Variants in BBS9 observed in about 807,000 individuals in gnomAD.
BBS9 encodes protein PTHB1.
In BBS9, 89 loss-of-function variants were observed where a neutral mutation model predicts 117.7. That is an observed-to-expected ratio of 0.76 (90% CI 0.64 to 0.90). BBS9 has a LOEUF of 0.90. BBS9 is among the 40% of genes least tolerant of loss of function. BBS9 has a pLI of 0.00. For missense variants in BBS9, 982 were observed against 1,042.2 expected, an observed-to-expected ratio of 0.94 and a Z score of 0.80; for synonymous variants, 379 against 370.9, an observed-to-expected ratio of 1.02 and a Z score of -0.25.
rs1818153359 is a variant in BBS9 at position 33,349,150 on chromosome 7, A to C, written c.1412A>C (p.Gln471Pro). The change falls in exon 13 of 23, where the codon CAG becomes CCG. Residue 471 changes from glutamine (Q) to proline (P), a missense_variant. Coordinates refer to ENST00000242067, the MANE Select transcript of BBS9 (RefSeq NM_198428.3). ...VQPPLELTCD[Q>P]FTFEFMTPDL... is the part of the protein sequence containing the mutation. ...CCACCATTAGAATTGACTTGTGATCAGTTCACCTTTGAATTTATGAGTAAG... is the reference window on the plus strand; with the variant it reads ...CCACCATTAGAATTGACTTGTGATCCGTTCACCTTTGAATTTATGAGTAAG... 1 of 1,612,906 alleles carries C rather than the reference A, an allele frequency of 6.2e-7. No individual in the cohort carries two copies. Among genetic ancestry groups the C allele is most frequent in the African/African-American group, 1.3e-5 (1 of 75,010 alleles).
chr7:33,433,118 G>T (rs1433390250), intron 19 of BBS9, among the ~76,000 whole-genome samples: 1 of 152,030 alleles, frequency 6.6e-6, no homozygotes, highest in Non-Finnish European at 1.5e-5. Context: ...GGTAATGTGG[G>T]CTATAATTAA....
At chr7:33,410,193 TG>T (rs1261131960) in intron 19 of BBS9, among the ~76,000 whole-genome samples, 4 of 152,170 alleles carry the variant, frequency 2.6e-5, no homozygotes, top group Non-Finnish European at 5.9e-5. Context: ...GAAAAATGTG[TG>T]TTAAAGAAGA....
At chr7:33,546,892 T>A (rs1162402639) in intron 21 of BBS9, among the ~76,000 whole-genome samples, 2 of 152,200 alleles carry the variant, frequency 1.3e-5, no homozygotes, top group Non-Finnish European at 2.9e-5. Context: ...ATACATTGAT[T>A]CCATGCCTCA....
At chr7:33,448,874 C>T (rs147072445) in intron 19 of BBS9, among the ~76,000 whole-genome samples, 1 of 152,318 alleles carries the variant, frequency 6.6e-6, no homozygotes, top group African/African-American at 2.4e-5. Flanking sequence ...ATTTAGTGAG[C>T]ACTTAATTTG....
intron 19 of BBS9, among the ~76,000 whole-genome samples, chr7:33,419,855 T>A (rs2128851731): frequency 6.6e-6 from 1 of 152,268 alleles, no homozygotes; most frequent in South Asian, 2.1e-4. Context: ...TGAATTTTTT[T>A]TAGCCTAGAG....
At chr7:33,345,794 C>T (rs1040092592) in intron 12 of BBS9, among the ~76,000 whole-genome samples, 6 of 152,270 alleles carry the variant, frequency 3.9e-5, no homozygotes, top group Non-Finnish European at 5.9e-5. Context: ...CTACTGATAA[C>T]GTTCAGACAC....
intron 21 of BBS9, among the ~76,000 whole-genome samples, chr7:33,620,363 T>G (rs1049598882): frequency 2.0e-5 from 3 of 152,004 alleles, no homozygotes; most frequent in African/African-American, 7.2e-5. Flanking sequence ...AAATAAACCC[T>G]TAAGACTCCT....
chr7:33,498,035 T>A (rs767979579), intron 19 of BBS9, among the ~76,000 whole-genome samples: 2 of 152,126 alleles, frequency 1.3e-5, no homozygotes, highest in Non-Finnish European at 2.9e-5. Context: ...ACAGCAGGGA[T>A]GTTCACTAGC....
In BBS9 at chr7:33,204,895, C is replaced by T. The variant is rs568369878; in HGVS notation, c.442+27304C>T. 2.2e-4 allele frequency among the ~76,000 whole-genome samples: 33 copies of T among 152,292 alleles called. 1 individual carries two copies. In the South Asian group the frequency reaches 6.2e-3, roughly 29 times the overall value. On this transcript the variant is annotated intron_variant, in intron 5 of 22. Transcript: ENST00000242067. ...CTCTCTCCACTACTCATTTCATGTT[C>T]CTCTTAGTTTTTCCAGTACTTTGGT...
At chr7:33,344,532 T>C (rs1817241184) in intron 11 of BBS9, 49 bp from the exon 12 acceptor site, 1 of 1,530,730 alleles carries the variant, frequency 6.5e-7, no homozygotes, top group Non-Finnish European at 9.1e-7. Context: ...CTCACTGCTG[T>C]GTAATATTGA....
At chr7:33,410,302 G>A (rs186171849) in intron 19 of BBS9, among the ~76,000 whole-genome samples, 208 of 152,284 alleles carry the variant, frequency 1.4e-3, no homozygotes, top group African/African-American at 4.6e-3. Context: ...CTGCACCCAT[G>A]AGTCCCTTGC....
intron 5 of BBS9, among the ~76,000 whole-genome samples, chr7:33,237,228 T>C (rs571447239): frequency 2.0e-4 from 30 of 152,326 alleles, no homozygotes; most frequent in Admixed American, 3.3e-4. Context: ...GGTTCTGTTT[T>C]ATGTTGTTTT....
At position 33,193,165 on chromosome 7, in the gene BBS9, C is replaced by A. The variant is rs544641833; in HGVS notation, c.442+15574C>A. ...ATTTTTCACTTGTTAACAAACTGCC[C>A]CTCAATTATAATGTGGTATCTCCTA... is the stretch of plus-strand genomic sequence containing the variant. On this transcript the variant is annotated intron_variant, in intron 5 of 22. Coordinates refer to ENST00000242067, the MANE Select transcript of BBS9 (RefSeq NM_198428.3). Among the ~76,000 whole-genome samples, 8 of 152,152 alleles carry A rather than the reference C, an allele frequency of 5.3e-5. No individual in the cohort carries two copies. The South Asian group carries it at 1.5e-3, about 28-fold the overall frequency.
At chr7:33,371,644 AACAGGAGGG>A (rs1306017068) in intron 17 of BBS9, among the ~76,000 whole-genome samples, 3 of 152,100 alleles carry the variant, frequency 2.0e-5, no homozygotes, top group African/African-American at 7.2e-5. Flanking sequence ...ACTTCTCTGT[AACAGGAGGG>A]ATCGTATGTA....
intron 3 of BBS9, among the ~76,000 whole-genome samples, chr7:33,153,636 A>G (rs1793679405): frequency 6.6e-6 from 1 of 152,162 alleles, no homozygotes; most frequent in Non-Finnish European, 1.5e-5. Flanking sequence ...TATTGGCCCC[A>G]GGGGCCATTT....
chr7:33,575,832 A>G (rs1202669724), intron 21 of BBS9, among the ~76,000 whole-genome samples: 2 of 152,096 alleles, frequency 1.3e-5, no homozygotes, highest in African/African-American at 4.8e-5. Flanking sequence ...AGATGTAGAA[A>G]AGGCCTTAGA....
intron 6 of BBS9, among the ~76,000 whole-genome samples, chr7:33,261,855 C>T (rs750586367): frequency 7.9e-5 from 12 of 152,184 alleles, no homozygotes; most frequent in African/African-American, 4.8e-5. Flanking sequence ...ATGTATGGCA[C>T]TCTTTCATAA....
At chr7:33,467,756 T>A (rs1840399170) in intron 19 of BBS9, among the ~76,000 whole-genome samples, 1 of 152,142 alleles carries the variant, frequency 6.6e-6, no homozygotes, top group African/African-American at 2.4e-5. Context: ...TAATAAATGA[T>A]ATGGATCTTT....
chr7:33,613,848 A>G (rs1865000933), intron 21 of BBS9, among the ~76,000 whole-genome samples: 1 of 152,038 alleles, frequency 6.6e-6, no homozygotes. Context: ...CATATCATGA[A>G]TAACACCAAG....
Sources: gnomAD v4.1 joint callset for allele counts (sites outside exome capture counted in the v4.1 genomes callset) on GRCh38, gnomAD v4.1.1 for gene constraint, MANE v1.5 for transcripts, NCBI Gene and HGNC (gene_info 2026-07-23, HGNC 2026-07-21) for gene names.